The following CLTCL1 variants were observed in gnomAD, a reference collection of about 807,000 sequenced individuals.
The protein encoded by CLTCL1 is clathrin heavy chain like 1.
A neutral mutation model predicts 190.0 loss-of-function variants in CLTCL1; 159 were observed. The ratio of observed to expected loss-of-function variants is 0.84; its 90% CI spans 0.74 to 0.95. CLTCL1 has a LOEUF of 0.95. Ranked by LOEUF, CLTCL1 falls within the 40% of genes least tolerant of loss-of-function variation. CLTCL1 has a pLI of 0.00. For missense variants in CLTCL1, 1,878 were observed against 2,033.4 expected (o/e 0.92, Z 1.47); for synonymous variants, 752 against 769.6 (o/e 0.98, Z 0.38).
chr22:19,192,063 CTTTTTTTTT>C (rs782761355), intron 26 of CLTCL1, among the ~76,000 whole-genome samples: 92 of 118,310 alleles, frequency 7.8e-4, no homozygotes, highest in Non-Finnish European at 9.5e-4. Context: ...GCGATGTCAT[CTTTTTTTTT>C]TTTTTTTTTT....
At chr22:19,187,409 T>C (rs2084348245) in intron 29 of CLTCL1, 149 bp downstream of exon 29, 1 of 708,840 alleles carries the variant, frequency 1.4e-6, no homozygotes, top group Non-Finnish European at 2.3e-6. Flanking sequence ...GGTCTCCCAT[T>C]AATACTAATC....
intron 2 of CLTCL1, among the ~76,000 whole-genome samples, chr22:19,256,212 C>G (rs2086744203): frequency 6.6e-6 from 1 of 151,974 alleles, no homozygotes; most frequent in South Asian, 2.1e-4. Flanking sequence ...GGCTGGAGTA[C>G]AGTGGAGCAA....
intron 2 of CLTCL1, among the ~76,000 whole-genome samples, chr22:19,266,918 C>A (rs1427382704): frequency 6.6e-6 from 1 of 152,160 alleles, no homozygotes; most frequent in Non-Finnish European, 1.5e-5. Flanking sequence ...CTAAAAACTC[C>A]CCCCTAAGGT....
chr22:19,223,967 CCTGT>C lies in CLTCL1; in HGVS notation c.2212_2215del (p.Thr738GlyfsTer21). 6.2e-7 allele frequency: 1 copy of C among 1,613,998 alleles called. No individual in the cohort carries two copies. Among genetic ancestry groups the C allele is most frequent in the Non-Finnish European group, 8.5e-7 (1 of 1,179,890 alleles). Reference sequence around the variant, plus strand: ...TATCCTCTCCACCTCCTTGATCTGCCCTGTCTTACAGGCAGCCTGAATGTATTTC... The same window carrying C: ...TATCCTCTCCACCTCCTTGATCTGCCCTTACAGGCAGCCTGAATGTATTTC... On this transcript the variant is annotated frameshift_variant, in exon 14 of 33. Coordinates refer to ENST00000427926, the MANE Select transcript of CLTCL1 (RefSeq NM_007098.4). LOFTEE classifies it high-confidence loss of function.
At chr22:19,215,675 C>A (rs968483598) in intron 19 of CLTCL1, among the ~76,000 whole-genome samples, 9 of 152,370 alleles carry the variant, frequency 5.9e-5, no homozygotes, top group South Asian at 4.1e-4. Flanking sequence ...AGCTCCTGCT[C>A]ATCTGGCTTC....
At chr22:19,260,651 T>C (rs1242542596) in intron 2 of CLTCL1, among the ~76,000 whole-genome samples, 2 of 151,818 alleles carry the variant, frequency 1.3e-5, no homozygotes, top group African/African-American at 4.8e-5. Context: ...TGGTGGTGCA[T>C]GCCTGTAATT....
At chr22:19,242,661 A>G (rs2086292427) in intron 4 of CLTCL1, 114 bp downstream of exon 4, 2 of 1,178,006 alleles carry the variant, frequency 1.7e-6, no homozygotes, top group Non-Finnish European at 2.5e-6. Context: ...CAACACCACC[A>G]TGAACCTTTC....
chr22:19,190,950 G>C (rs1008266639), intron 27 of CLTCL1, among the ~76,000 whole-genome samples: 10 of 151,978 alleles, frequency 6.6e-5, no homozygotes, highest in Non-Finnish European at 1.3e-4. Context: ...GCTAATTTTT[G>C]TATTTTTAGT....
intron 1 of CLTCL1, among the ~76,000 whole-genome samples, chr22:19,286,207 G>C (rs2087900702): frequency 6.6e-6 from 1 of 152,118 alleles, no homozygotes; most frequent in African/African-American, 2.4e-5. Flanking sequence ...TTTTTCCAAA[G>C]AGTCCCCATT....
chr22:19,227,418 G>A (rs1168267108), intron 11 of CLTCL1, among the ~76,000 whole-genome samples: 1 of 150,350 alleles, frequency 6.7e-6, no homozygotes, highest in Non-Finnish European at 1.5e-5. Flanking sequence ...AAGCAGCTGG[G>A]ATTACAGGCA....
In CLTCL1 at chr22:19,221,525, T is replaced by C. The variant is rs782328634; in HGVS notation, c.2648A>G (p.Tyr883Cys). ...CTCGGGGCTGTTGTTGCTGTCGATG[T>C]AGATTTTAGCCAGTGCATTGTGAGT... The part of the protein sequence containing the change: ...PATHNALAKI[Y>C]IDSNNSPECF... Residue 883 changes from tyrosine to cysteine, a missense_variant, in exon 17 of 33, where the codon TAC becomes TGC. By Grantham distance (194) the Tyr-to-Cys change is radical (BLOSUM62 -2). Transcript: ENST00000427926. The C allele has an allele frequency of 1.2e-6, 2 of 1,605,696 alleles. No homozygotes were observed. Among genetic ancestry groups the C allele is most frequent in the Admixed American group, 3.4e-5 (2 of 58,752 alleles).
chr22:19,213,954 G>T (rs1361157663), intron 19 of CLTCL1, among the ~76,000 whole-genome samples: 2 of 152,262 alleles, frequency 1.3e-5, no homozygotes, highest in Admixed American at 6.5e-5. Context: ...TTATAAAAAA[G>T]AATTTTAAAG....
At chr22:19,238,504 T>A in intron 5 of CLTCL1, 1 of 214,222 alleles carries the variant, frequency 4.7e-6, no homozygotes, top group Non-Finnish European at 1.0e-5. Context: ...GAAAGCACAC[T>A]TGATCCTGTC....
At chr22:19,286,251 C>T (rs782179639) in intron 1 of CLTCL1, among the ~76,000 whole-genome samples, 7 of 152,132 alleles carry the variant, frequency 4.6e-5, no homozygotes, top group Non-Finnish European at 8.8e-5. Context: ...CCCACAATGC[C>T]ACAGCGGTAG....
At chr22:19,197,397 C>G (rs1659875810) in intron 24 of CLTCL1, among the ~76,000 whole-genome samples, 1 of 152,144 alleles carries the variant, frequency 6.6e-6, no homozygotes, top group South Asian at 2.1e-4. Context: ...CGCCTGTGCT[C>G]CTGTCTGGAA....
intron 2 of CLTCL1, chr22:19,258,703 A>C (rs375878359): frequency 5.7e-5 from 39 of 682,690 alleles, no homozygotes; most frequent in African/African-American, 5.6e-4. Flanking sequence ...GAGGCCCTAG[A>C]CAGCAGCAAC....
At chr22:19,217,919 T>C (rs1351989534) in intron 18 of CLTCL1, among the ~76,000 whole-genome samples, 1 of 152,040 alleles carries the variant, frequency 6.6e-6, no homozygotes, top group Non-Finnish European at 1.5e-5. Context: ...CAGGTTGTTT[T>C]AAGGGCAAAA....
At chr22:19,274,006 A>AACAC (rs140044394) in intron 2 of CLTCL1, among the ~76,000 whole-genome samples, 1 of 151,286 alleles carries the variant, frequency 6.6e-6, no homozygotes, top group Non-Finnish European at 1.5e-5. Context: ...TCCACACCAC[A>AACAC]ACACACACAC....
chr22:19,252,376 T>C (rs1484510179), intron 3 of CLTCL1, among the ~76,000 whole-genome samples: 4 of 152,170 alleles, frequency 2.6e-5, no homozygotes, highest in African/African-American at 9.7e-5. Flanking sequence ...ATAGGTATCA[T>C]CCACGGTGGG....
Sources: gnomAD v4.1 joint callset for allele counts (sites outside exome capture counted in the v4.1 genomes callset) on GRCh38, gnomAD v4.1.1 for gene constraint, MANE v1.5 for transcripts, NCBI Gene and HGNC (gene_info 2026-07-23, HGNC 2026-07-21) for gene names.